The following RARB variants were observed in gnomAD, a reference collection of about 807,000 sequenced individuals.
RARB encodes the protein HBV-activated protein.
In RARB, 17 loss-of-function variants were observed where a neutral mutation model predicts 51.9. That is an observed-to-expected ratio of 0.33 (90% CI 0.22 to 0.49). The LOEUF (loss-of-function observed/expected upper bound fraction) is 0.49, where lower values mean the gene tolerates loss of function less well. Ranked by LOEUF, RARB falls within the 20% of genes least tolerant of loss-of-function variation. The pLI is 0.99. For missense variants in RARB, 369 were observed against 550.8 expected (o/e 0.67, Z 3.30); for synonymous variants, 215 against 195.4 (o/e 1.10, Z -0.84).
intron 1 of RARB, among the ~76,000 whole-genome samples, chr3:24,849,945 G>A (rs1333444595): frequency 6.6e-6 from 1 of 152,172 alleles, no homozygotes; most frequent in African/African-American, 2.4e-5. Flanking sequence ...TTTTGTGCTG[G>A]TATAACAATT....
chr3:24,942,558 A>G (rs138513119), intron 2 of RARB, among the ~76,000 whole-genome samples: 173 of 152,326 alleles, frequency 1.1e-3, no homozygotes, highest in African/African-American at 4.0e-3. Flanking sequence ...CAGAATGATG[A>G]TAAGCATGAA....
chr3:25,532,149 C>T (rs1374651813), intron 3 of RARB, among the ~76,000 whole-genome samples: 1 of 152,158 alleles, frequency 6.6e-6, no homozygotes, highest in African/African-American at 2.4e-5. Flanking sequence ...CTGCAAAGGG[C>T]TCTCACTGAG....
intron 1 of RARB, among the ~76,000 whole-genome samples, chr3:25,452,728 G>A (rs555418605): frequency 6.6e-6 from 1 of 152,296 alleles, no homozygotes; most frequent in East Asian, 1.9e-4. Context: ...TATAAAGTCT[G>A]AAAGGATTGT....
intron 5 of RARB, among the ~76,000 whole-genome samples, chr3:25,271,907 T>G (rs322706): frequency 0.58 from 88,632 of 152,022 alleles, 27,793 homozygotes; most frequent in Admixed American, 0.71. Flanking sequence ...TACTTATCTT[T>G]GTCCTTTACA....
chr3:24,863,844 G>GC (rs202245619), intron 2 of RARB, among the ~76,000 whole-genome samples: 4,326 of 151,284 alleles, frequency 0.029, 99 homozygotes, highest in Middle Eastern at 0.061. Flanking sequence ...TGAACTTCTT[G>GC]CCCACCCAGA....
At chr3:25,205,756 T>C (rs956990208) in intron 5 of RARB, among the ~76,000 whole-genome samples, 10 of 152,118 alleles carry the variant, frequency 6.6e-5, no homozygotes, top group African/African-American at 2.2e-4. Context: ...CTTTTTTTTT[T>C]TCTTGAGACG....
At chr3:24,987,629 C>T (rs1182113706) in intron 2 of RARB, among the ~76,000 whole-genome samples, 1 of 152,106 alleles carries the variant, frequency 6.6e-6, no homozygotes, top group Non-Finnish European at 1.5e-5. Context: ...CACTAATGGC[C>T]CGGTTTTAAG....
chr3:25,369,516 A>T, intron 5 of RARB, among the ~76,000 whole-genome samples: 1 of 152,208 alleles, frequency 6.6e-6, no homozygotes, highest in Non-Finnish European at 1.5e-5. Flanking sequence ...GCAAAGAAAT[A>T]TTTGGCAGTA....
At chr3:25,488,827 C>T (rs1322114973) in intron 2 of RARB, among the ~76,000 whole-genome samples, 1 of 152,182 alleles carries the variant, frequency 6.6e-6, no homozygotes, top group East Asian at 1.9e-4. Context: ...GAAAATAAAA[C>T]AGGTCCCCCT....
At chr3:25,505,992 A>G (rs1452580071) in intron 3 of RARB, among the ~76,000 whole-genome samples, 1 of 152,216 alleles carries the variant, frequency 6.6e-6, no homozygotes, top group East Asian at 1.9e-4. Context: ...AAACCATGGG[A>G]GTAAAGCCCT....
intron 5 of RARB, among the ~76,000 whole-genome samples, chr3:25,351,520 A>G (rs1705570141): frequency 6.6e-6 from 1 of 151,852 alleles, no homozygotes; most frequent in Admixed American, 6.6e-5. Flanking sequence ...TGCCCAGTCT[A>G]TTTCTTATCA....
At chr3:25,463,707 C>T (rs1229422174) in intron 2 of RARB, among the ~76,000 whole-genome samples, 1 of 151,884 alleles carries the variant, frequency 6.6e-6, no homozygotes, top group East Asian at 1.9e-4. Flanking sequence ...TCACTCAGCC[C>T]CTCAAAGTAA....
chr3:25,560,913 C>T (rs201477311), intron 3 of RARB, among the ~76,000 whole-genome samples: 2 of 152,148 alleles, frequency 1.3e-5, no homozygotes, highest in African/African-American at 4.8e-5. Flanking sequence ...GGTGAATAAA[C>T]AAATTGGTAT....
intron 3 of RARB, among the ~76,000 whole-genome samples, chr3:25,073,466 T>C (rs775221281): frequency 6.6e-6 from 1 of 152,220 alleles, no homozygotes; most frequent in Non-Finnish European, 1.5e-5. Flanking sequence ...GTTCCATGGT[T>C]GTAACAGTTT....
At chr3:25,505,991 G>A (rs1697567719) in intron 3 of RARB, among the ~76,000 whole-genome samples, 2 of 152,112 alleles carry the variant, frequency 1.3e-5, no homozygotes, top group South Asian at 4.1e-4. Flanking sequence ...GAAACCATGG[G>A]AGTAAAGCCC....
At chr3:25,588,600 G>C (rs907383142) in intron 5 of RARB, among the ~76,000 whole-genome samples, 2 of 152,178 alleles carry the variant, frequency 1.3e-5, no homozygotes, top group East Asian at 1.9e-4. Context: ...CAGGAATCTG[G>C]TACTGACTTC....
chr3:25,255,502 G>A (rs1702842994), intron 5 of RARB, among the ~76,000 whole-genome samples: 1 of 152,102 alleles, frequency 6.6e-6, no homozygotes, highest in Non-Finnish European at 1.5e-5. Flanking sequence ...CGAGTTTGAA[G>A]CATTTCACCC....
At chr3:25,589,743 A>G (rs771083629) in intron 5 of RARB, among the ~76,000 whole-genome samples, 2 of 152,224 alleles carry the variant, frequency 1.3e-5, no homozygotes, top group African/African-American at 2.4e-5. Context: ...AGGAGGATCA[A>G]CTTTGACCAT....
intron 5 of RARB, among the ~76,000 whole-genome samples, chr3:25,399,070 C>T (rs1317373193): frequency 6.6e-6 from 1 of 152,146 alleles, no homozygotes; most frequent in Non-Finnish European, 1.5e-5. Flanking sequence ...CTCTACCATC[C>T]TGGCTTTGCA....
Sources: gnomAD v4.1 joint callset for allele counts (sites outside exome capture counted in the v4.1 genomes callset) on GRCh38, gnomAD v4.1.1 for gene constraint, MANE v1.5 for transcripts, NCBI Gene and HGNC (gene_info 2026-07-23, HGNC 2026-07-21) for gene names.